SLC9A4: variants seen among roughly 807,000 people sequenced by gnomAD.
SLC9A4 encodes solute carrier family 9 member A4.
A neutral mutation model predicts 67.4 loss-of-function variants in SLC9A4; 63 were observed. That is an observed-to-expected ratio of 0.93 (90% CI 0.76 to 1.15). The LOEUF is 1.15. Ranked by LOEUF, SLC9A4 falls within the 50% of genes most tolerant of loss-of-function variation. The pLI is 0.00. For synonymous variants in SLC9A4, 393 were observed against 367.2 expected (o/e 1.07, Z -0.80); for missense variants, 1,089 against 987.7 (o/e 1.10, Z -1.38).
At chr2:102,505,928 A>G (rs1685041054) in intron 4 of SLC9A4, 2 of 166,640 alleles carry the variant, frequency 1.2e-5, no homozygotes, top group African/African-American at 4.8e-5. Flanking sequence ...CACTTTCACT[A>G]TAGGATAAGT....
At chr2:102,494,256 T>A (rs1684761331) in intron 2 of SLC9A4, among the ~76,000 whole-genome samples, 2 of 151,900 alleles carry the variant, frequency 1.3e-5, no homozygotes, top group Admixed American at 1.3e-4. Context: ...TTTCTTTATT[T>A]TATATGAACT....
chr2:102,525,736 T>C (rs1190574112), intron 10 of SLC9A4, among the ~76,000 whole-genome samples: 2 of 151,938 alleles, frequency 1.3e-5, no homozygotes, highest in African/African-American at 4.8e-5. Context: ...GAGAGTAACT[T>C]TGAAAGGTTG....
intron 2 of SLC9A4, among the ~76,000 whole-genome samples, chr2:102,494,667 G>A (rs896924693): frequency 9.9e-5 from 15 of 151,946 alleles, no homozygotes; most frequent in South Asian, 4.1e-4. Flanking sequence ...CAAACAATAA[G>A]CATAAGAATG....
rs114969107 is a variant in SLC9A4 at position 102,523,412 on chromosome 2, C to T, written c.1819-1612C>T. ...GAAACACAAACAATGAACTGCAAGC[C>T]GATGAAACCGATGAGGATGCCATTG... On this transcript the variant is annotated intron_variant, in intron 9 of 11. Transcript: ENST00000295269. 7.0e-3 allele frequency among the ~76,000 whole-genome samples: 1,060 copies of T among 152,224 alleles called. 20 individuals carry two copies. The highest frequency in any genetic ancestry group is 0.024 in the African/African-American group (1,017 of 41,524).
intron 2 of SLC9A4, among the ~76,000 whole-genome samples, chr2:102,488,642 A>G (rs1183809561): frequency 3.4e-5 from 5 of 146,868 alleles, no homozygotes; most frequent in Non-Finnish European, 7.4e-5. Flanking sequence ...TCTGCCTCCC[A>G]GGTTCGCGAC....
At chr2:102,529,371 G>T (rs946497790) in intron 11 of SLC9A4, among the ~76,000 whole-genome samples, 4 of 152,186 alleles carry the variant, frequency 2.6e-5, no homozygotes, top group South Asian at 4.1e-4. Flanking sequence ...TTAAAGATGG[G>T]AAATCAGTGC....
Position 102,532,602 on chromosome 2 carries a change from G to A in SLC9A4, c.2311G>A (p.Val771Ile), listed in dbSNP as rs777094526. 2.5e-6 allele frequency: 4 copies of A among 1,614,056 alleles called. No homozygotes were observed. Among genetic ancestry groups the A allele is most frequent in the Non-Finnish European group, 3.4e-6 (4 of 1,179,964 alleles). The change falls in exon 12 of 12, where the codon GTT becomes ATT. Residue 771 changes from valine to isoleucine, a missense_variant. Coordinates refer to ENST00000295269, the MANE Select transcript of SLC9A4 (RefSeq NM_001011552.4). The stretch of plus-strand genomic sequence containing the variant: ...GGAGAGTGAGGGCAAGGCCTCTTTG[G>A]TTGAGGTTCGGTCGAGGTGGACAGC... ...GGESEGKASL[V>I]EVRSRWTADH...
rs1685106539 is a variant in SLC9A4, at chr2:102,509,083, T to C, written c.1488+150T>C. 7 of 693,422 alleles carry C rather than the reference T, an allele frequency of 1.0e-5. No homozygotes were observed. In the Middle Eastern group the frequency reaches 1.0e-3, roughly 100 times the overall value. 43.0% of individuals were successfully genotyped at this position (693,422 alleles called of 1,614,324 possible). A position where few individuals can be genotyped will look rare whatever the true frequency, so the allele number is the denominator to read the frequency against. ...AGTTTCCTATGGCTGCTGTAGGAAA[T>C]TGCCACAAACTTAGTGCTTAAAACA... is the stretch of plus-strand genomic sequence containing the variant. On this transcript the variant is annotated intron_variant, in intron 6 of 11. Coordinates refer to ENST00000295269, the MANE Select transcript of SLC9A4 (RefSeq NM_001011552.4).
At chr2:102,510,623 A>C (rs1685148278) in intron 6 of SLC9A4, among the ~76,000 whole-genome samples, 1 of 152,292 alleles carries the variant, frequency 6.6e-6, no homozygotes, top group East Asian at 1.9e-4. Flanking sequence ...ATAACCGGGG[A>C]CTTGCCTGTC....
At chr2:102,491,855 C>A (rs185990126) in intron 2 of SLC9A4, among the ~76,000 whole-genome samples, 47 of 152,282 alleles carry the variant, frequency 3.1e-4, no homozygotes, top group Admixed American at 2.7e-3. Flanking sequence ...CCACCTATGA[C>A]CCTGTAAAAT....
intron 2 of SLC9A4, among the ~76,000 whole-genome samples, chr2:102,490,483 T>C (rs1337950888): frequency 1.3e-5 from 2 of 152,184 alleles, no homozygotes; most frequent in Non-Finnish European, 2.9e-5. Context: ...TTCATTTTCT[T>C]ATAAGGACAC....
intron 2 of SLC9A4, among the ~76,000 whole-genome samples, chr2:102,484,419 T>A (rs1684541669): frequency 6.6e-6 from 1 of 152,220 alleles, no homozygotes; most frequent in Non-Finnish European, 1.5e-5. Flanking sequence ...ATTCTGATCC[T>A]GTTGTGCCTC....
chr2:102,487,621 A>G (rs1274267246), intron 2 of SLC9A4, among the ~76,000 whole-genome samples: 2 of 152,246 alleles, frequency 1.3e-5, no homozygotes, highest in African/African-American at 4.8e-5. Context: ...CTAAATAAAC[A>G]GAATGGTTGA....
chr2:102,530,648 G>T (rs1294292084), intron 11 of SLC9A4, among the ~76,000 whole-genome samples: 1 of 152,206 alleles, frequency 6.6e-6, no homozygotes, highest in Non-Finnish European at 1.5e-5. Context: ...AAAGAACAGG[G>T]TTTGGGGGCA....
At chr2:102,495,968 G>A (rs1684799579) in intron 2 of SLC9A4, among the ~76,000 whole-genome samples, 1 of 151,890 alleles carries the variant, frequency 6.6e-6, no homozygotes, top group African/African-American at 2.4e-5. Flanking sequence ...TTTTGACCTT[G>A]GAGTAGTCAA....
chr2:102,518,061 G>C lies in SLC9A4; in HGVS notation c.1722-1798G>C, dbSNP rs545525181. ...GCCCAAGGGAATCAATTCTGTAGCTGTAGAATGATAGCTGATATAATTCCA... is the reference window on the plus strand; with the variant it reads ...GCCCAAGGGAATCAATTCTGTAGCTCTAGAATGATAGCTGATATAATTCCA... On this transcript the variant is annotated intron_variant, in intron 8 of 11. Transcript: ENST00000295269. Among the ~76,000 whole-genome samples, 20 of 152,342 alleles carry C rather than the reference G, an allele frequency of 1.3e-4. No individual in the cohort carries two copies. The East Asian group carries it at 3.7e-3, about 28-fold the overall frequency.
intron 2 of SLC9A4, among the ~76,000 whole-genome samples, chr2:102,480,465 A>G (rs936126874): frequency 5.3e-5 from 8 of 150,304 alleles, no homozygotes; most frequent in African/African-American, 1.7e-4. Flanking sequence ...CCCTCTTTCT[A>G]TGTGTTTTCA....
At chr2:102,494,987 A>G (rs1231302766) in intron 2 of SLC9A4, among the ~76,000 whole-genome samples, 3 of 152,084 alleles carry the variant, frequency 2.0e-5, no homozygotes, top group Non-Finnish European at 4.4e-5. Context: ...ACCTTGCCCT[A>G]ATTCCTATTC....
At chr2:102,476,974 A>G (rs1422373500) in intron 1 of SLC9A4, among the ~76,000 whole-genome samples, 7 of 152,170 alleles carry the variant, frequency 4.6e-5, no homozygotes, top group Admixed American at 4.6e-4. Flanking sequence ...CTTGGTGATA[A>G]TTATACCCTG....
Sources: gnomAD v4.1 joint callset for allele counts (sites outside exome capture counted in the v4.1 genomes callset) on GRCh38, gnomAD v4.1.1 for gene constraint, MANE v1.5 for transcripts, NCBI Gene and HGNC (gene_info 2026-07-23, HGNC 2026-07-21) for gene names.